Variants in SLC17A8 observed in about 807,000 individuals in gnomAD.
SLC17A8 encodes solute carrier family 17 member 8, also known as vesicular glutamate transporter 3.
In SLC17A8, 31 loss-of-function variants were observed where a neutral mutation model predicts 58.0. The observed-to-expected ratio is 0.53, with a 90% CI of 0.40 to 0.72. The LOEUF is 0.72. Among genes scored for constraint, SLC17A8 ranks in the 30% least tolerant of loss-of-function variants. The pLI is 0.00. For synonymous variants in SLC17A8, 228 were observed against 249.0 expected, an observed-to-expected ratio of 0.92 and a Z score of 0.79; for missense variants, 655 against 727.8, an observed-to-expected ratio of 0.90 and a Z score of 1.15.
At chr12:100,383,571 G>A (rs1952651937) in intron 2 of SLC17A8, among the ~76,000 whole-genome samples, 1 of 152,182 alleles carries the variant, frequency 6.6e-6, no homozygotes, top group African/African-American at 2.4e-5. Flanking sequence ...GGAAAAACTA[G>A]ATATTTGGCA....
Position 100,420,939 on chromosome 12 carries a change from C to G in SLC17A8, c.*780C>G, listed in dbSNP as rs1008029113. Reference sequence around the variant, plus strand: ...AAAGACCCTCAGTGTTCTATGTTATCTGAAGAGTCAAATGGTTTTGTGACT... The same window carrying G: ...AAAGACCCTCAGTGTTCTATGTTATGTGAAGAGTCAAATGGTTTTGTGACT... On this transcript the variant is annotated 3_prime_UTR_variant, in exon 12 of 12. Coordinates refer to ENST00000323346, the MANE Select transcript of SLC17A8 (RefSeq NM_139319.3). The G allele has an allele frequency of 1.3e-5, 2 of 152,186 alleles. No individual in the cohort carries two copies. The highest frequency in any genetic ancestry group is 2.9e-5 in the Non-Finnish European group (2 of 68,028). 9.4% of individuals were successfully genotyped at this position (152,186 alleles called of 1,614,324 possible).
At chr12:100,380,565 A>AT in intron 1 of SLC17A8, 136 bp from the exon 2 acceptor site, 1 of 630,334 alleles carries the variant, frequency 1.6e-6, no homozygotes, top group Non-Finnish European at 2.6e-6. Flanking sequence ...AATAATAGTA[A>AT]TACCTCCATA....
At chr12:100,360,059 G>T (rs913112334) in intron 1 of SLC17A8, among the ~76,000 whole-genome samples, 1 of 152,206 alleles carries the variant, frequency 6.6e-6, no homozygotes, top group African/African-American at 2.4e-5. Flanking sequence ...CAATTGCACA[G>T]GGAAGCATTT....
intron 1 of SLC17A8, among the ~76,000 whole-genome samples, chr12:100,359,950 A>G (rs1206005908): frequency 6.6e-6 from 1 of 152,212 alleles, no homozygotes; most frequent in Non-Finnish European, 1.5e-5. Context: ...GGCAATGTAA[A>G]TCACAGCTGT....
intron 1 of SLC17A8, among the ~76,000 whole-genome samples, chr12:100,364,637 A>G (rs1354431566): frequency 6.6e-6 from 1 of 152,196 alleles, no homozygotes; most frequent in Non-Finnish European, 1.5e-5. Flanking sequence ...GATAATGTGC[A>G]ATCAGGAGAG....
At chr12:100,396,458 C>CT (rs780588634) in intron 5 of SLC17A8, 41 bp downstream of exon 5, 46 of 1,558,518 alleles carry the variant, frequency 3.0e-5, no homozygotes, top group Non-Finnish European at 3.9e-5. Flanking sequence ...TTTATGAATG[C>CT]TTTTTTTGGG....
chr12:100,419,776 T>C (rs1404559144), intron 11 of SLC17A8, 39 bp from the exon 12 acceptor site: 4 of 1,594,214 alleles, frequency 2.5e-6, no homozygotes, highest in Admixed American at 1.7e-5. Flanking sequence ...TCTCTAGTTT[T>C]AGTTAAAACA....
chr12:100,417,739 T>C (rs1398299738), intron 10 of SLC17A8, among the ~76,000 whole-genome samples: 2 of 152,234 alleles, frequency 1.3e-5, no homozygotes. Context: ...GGCTTTTCAA[T>C]ATTGTGCCAA....
rs1021307562 is a variant in SLC17A8 at position 100,421,440 on chromosome 12, C to A, written c.*1281C>A. Reference sequence around the variant, plus strand: ...AATGAAAACATTTGGGGCAATTAGACCTACAGTTACTGTTGAAAAATTCAC... The same window carrying A: ...AATGAAAACATTTGGGGCAATTAGAACTACAGTTACTGTTGAAAAATTCAC... On this transcript the variant is annotated 3_prime_UTR_variant, in exon 12 of 12. Coordinates refer to ENST00000323346, the MANE Select transcript of SLC17A8 (RefSeq NM_139319.3). 6.6e-6 allele frequency: 1 copy of A among 152,040 alleles called. No individual in the cohort carries two copies. The highest frequency in any genetic ancestry group is 1.5e-5 in the Non-Finnish European group (1 of 67,996). The allele number at this position is 152,040 out of a possible 1,614,324, so 9.4% of individuals were successfully genotyped here. A position where few individuals can be genotyped will look rare whatever the true frequency, so the allele number is the denominator to read the frequency against.
chr12:100,416,834 G>T (rs12815015), intron 10 of SLC17A8, among the ~76,000 whole-genome samples: 27 of 152,080 alleles, frequency 1.8e-4, no homozygotes, highest in African/African-American at 6.3e-4. Context: ...TATAAGAATC[G>T]TTATCCCGTT....
intron 9 of SLC17A8, among the ~76,000 whole-genome samples, chr12:100,411,157 A>T (rs1952864729): frequency 6.6e-6 from 1 of 152,128 alleles, no homozygotes; most frequent in African/African-American, 2.4e-5. Flanking sequence ...TTGTTTGTTT[A>T]GGAGTAAAAA....
At chr12:100,419,480 C>T (rs1424097368) in intron 11 of SLC17A8, among the ~76,000 whole-genome samples, 1 of 151,590 alleles carries the variant, frequency 6.6e-6, no homozygotes, top group African/African-American at 2.4e-5. Flanking sequence ...TTGCAGTGAG[C>T]CGAGATCGCG....
chr12:100,379,164 C>CAT (rs1952614556), intron 1 of SLC17A8, among the ~76,000 whole-genome samples: 1 of 151,210 alleles, frequency 6.6e-6, no homozygotes, highest in South Asian at 2.1e-4. Flanking sequence ...GTGCCGGGGG[C>CAT]GGTGGCTCAC....
At chr12:100,409,097 C>T (rs1235006750) in intron 9 of SLC17A8, among the ~76,000 whole-genome samples, 1 of 151,906 alleles carries the variant, frequency 6.6e-6, no homozygotes, top group Admixed American at 6.6e-5. Context: ...ATCTTATTTT[C>T]TTCTTTCTGG....
chr12:100,417,266 G>T (rs1419512551), intron 10 of SLC17A8, among the ~76,000 whole-genome samples: 1 of 152,218 alleles, frequency 6.6e-6, no homozygotes, highest in East Asian at 1.9e-4. Flanking sequence ...AATGGCAGCA[G>T]AAGGTAGCAG....
chr12:100,419,771 A>G (rs1361474268), intron 11 of SLC17A8, 44 bp from the exon 12 acceptor site: 5 of 1,581,852 alleles, frequency 3.2e-6, no homozygotes, highest in Non-Finnish European at 4.3e-6. Flanking sequence ...GGTAATCTCT[A>G]GTTTTAGTTA....
At chr12:100,395,856 A>G (rs113579640) in intron 4 of SLC17A8, among the ~76,000 whole-genome samples, 5,644 of 150,726 alleles carry the variant, frequency 0.037, 143 homozygotes, top group African/African-American at 0.073. Flanking sequence ...CAAGTGATCC[A>G]CCCACCTCGG....
In SLC17A8 at chr12:100,377,568, G is replaced by GATATAT. The variant is rs1203225174; in HGVS notation, c.102-3120_102-3115dup. Among the ~76,000 whole-genome samples the GATATAT allele has an allele frequency of 5.6e-4, 68 of 121,304 alleles. 1 individual carries two copies. Among genetic ancestry groups the GATATAT allele is most frequent in the Middle Eastern group, 8.6e-3 (2 of 232 alleles). The allele number at this position is 121,304 out of a possible 152,430, so 79.6% of individuals were successfully genotyped here. A position where few individuals can be genotyped will look rare whatever the true frequency, so the allele number is the denominator to read the frequency against. On this transcript the variant is annotated intron_variant, in intron 1 of 11. Transcript: ENST00000323346. ...AGTGAGGCATCCAAGATGGCTTCAA[G>GATATAT]ATATATATATATATATATTTTTTTT... is the stretch of plus-strand genomic sequence containing the variant.
chr12:100,365,186 G>A (rs555805313), intron 1 of SLC17A8, among the ~76,000 whole-genome samples: 11 of 152,266 alleles, frequency 7.2e-5, no homozygotes, highest in African/African-American at 2.6e-4. Context: ...GGGTCGTTTT[G>A]GCTGCATGGT....
Sources: gnomAD v4.1 joint callset for allele counts (sites outside exome capture counted in the v4.1 genomes callset) on GRCh38, gnomAD v4.1.1 for gene constraint, MANE v1.5 for transcripts, NCBI Gene and HGNC (gene_info 2026-07-23, HGNC 2026-07-21) for gene names.